Variants in VAC14 observed in about 807,000 individuals in gnomAD.
VAC14 encodes protein VAC14 homolog.
In VAC14, 47 loss-of-function variants were observed where a neutral mutation model predicts 85.3. The ratio of observed to expected loss-of-function variants is 0.55; its 90% confidence interval spans 0.44 to 0.70. The LOEUF (loss-of-function observed/expected upper bound fraction) is 0.70. Ranked by LOEUF, VAC14 falls within the 30% of genes least tolerant of loss-of-function variation. The pLI is 0.00. For missense variants in VAC14, 861 were observed against 1,004.3 expected, an observed-to-expected ratio of 0.86 and a Z score of 1.93; for synonymous variants, 447 against 430.5, an observed-to-expected ratio of 1.04 and a Z score of -0.47.
intron 12 of VAC14, among the ~76,000 whole-genome samples, chr16:70,753,479 C>G (rs999899747): frequency 6.6e-6 from 1 of 152,192 alleles, no homozygotes; most frequent in African/African-American, 2.4e-5. Context: ...CGCAGGAACG[C>G]TAAGTGGGGT....
rs1294198001 is a variant in VAC14 at position 70,770,645 on chromosome 16, C to G, written c.1160+1464G>C. ...TTCACCCCTCACATCAATCACTCCT[C>G]TTTCCAGTAACTTCCTGGCTACTTC... On this transcript the variant is annotated intron_variant, in intron 10 of 18. Coordinates refer to ENST00000261776, the MANE Select transcript of VAC14 (RefSeq NM_018052.5). 5.9e-5 allele frequency: 9 copies of G among 152,270 alleles called. No homozygotes were observed. The East Asian group carries it at 1.7e-3, about 29-fold the overall frequency. 9.4% of individuals were successfully genotyped at this position (152,270 alleles called of 1,614,324 possible).
chr16:70,716,453 C>T (rs762185872), intron 14 of VAC14: 2 of 152,340 alleles, frequency 1.3e-5, no homozygotes, highest in Non-Finnish European at 2.9e-5. Flanking sequence ...ACCTTCTCCC[C>T]GGTCTGTGGA....
At chr16:70,723,490 T>G (rs1455421391) in intron 14 of VAC14, among the ~76,000 whole-genome samples, 1 of 152,154 alleles carries the variant, frequency 6.6e-6, no homozygotes, top group East Asian at 1.9e-4. Context: ...GATACCACAT[T>G]ATGGTACACA....
chr16:70,753,011 GGTGT>G (rs372860764), intron 12 of VAC14, among the ~76,000 whole-genome samples: 1,841 of 142,970 alleles, frequency 0.013, 28 homozygotes, highest in African/African-American at 0.039. Context: ...AGGAGGAGGG[GGTGT>G]GTGTGTGTGT....
intron 13 of VAC14, among the ~76,000 whole-genome samples, chr16:70,743,332 G>A (rs1012412847): frequency 1.3e-5 from 2 of 152,252 alleles, no homozygotes; most frequent in Admixed American, 1.3e-4. Context: ...AGCAGGACGT[G>A]AGCGGGACCA....
chr16:70,691,395 C>T, intron 18 of VAC14: 1 of 985,472 alleles, frequency 1.0e-6, no homozygotes, highest in Non-Finnish European at 1.2e-6. Flanking sequence ...CAGGTTGACC[C>T]TAACACTATG....
At chr16:70,793,556 A>C (rs1419536210) in intron 1 of VAC14, among the ~76,000 whole-genome samples, 1 of 152,190 alleles carries the variant, frequency 6.6e-6, no homozygotes, top group African/African-American at 2.4e-5. Context: ...AGCTACCACC[A>C]GCTGGGTGCC....
chr16:70,714,044 A>C (rs1245523665), intron 14 of VAC14: 1 of 152,192 alleles, frequency 6.6e-6, no homozygotes, highest in Non-Finnish European at 1.5e-5. Flanking sequence ...TGCTGGAAAC[A>C]GGGCACTCGG....
At chr16:70,786,406 C>A in intron 1 of VAC14, 41 bp from the exon 2 acceptor site, 1 of 1,602,038 alleles carries the variant, frequency 6.2e-7, no homozygotes. Context: ...ATCAGGCTAC[C>A]TCTGCTGTGG....
intron 12 of VAC14, among the ~76,000 whole-genome samples, chr16:70,759,625 C>CA (rs940492164): frequency 2.6e-5 from 4 of 151,708 alleles, no homozygotes; most frequent in African/African-American, 7.3e-5. Context: ...GATTCCATGT[C>CA]AAAAAAACAA....
At chr16:70,745,495 G>GTA (rs976699059) in intron 12 of VAC14, among the ~76,000 whole-genome samples, 1 of 146,716 alleles carries the variant, frequency 6.8e-6, no homozygotes, top group African/African-American at 2.7e-5. Flanking sequence ...GTGTGTGTGT[G>GTA]TGTGTGTGTG....
intron 14 of VAC14, among the ~76,000 whole-genome samples, chr16:70,701,935 G>C (rs1309440129): frequency 6.6e-6 from 1 of 152,204 alleles, no homozygotes; most frequent in Non-Finnish European, 1.5e-5. Flanking sequence ...GCACGTGGCA[G>C]GCTCCTCCCA....
At chr16:70,692,127 A>C in intron 18 of VAC14, 3 of 971,756 alleles carry the variant, frequency 3.1e-6, no homozygotes, top group Non-Finnish European at 3.7e-6. Context: ...CCAAATATAG[A>C]TGCAGCCCTA....
At chr16:70,736,476 T>C (rs1048495688) in intron 13 of VAC14, among the ~76,000 whole-genome samples, 9 of 152,182 alleles carry the variant, frequency 5.9e-5, no homozygotes, top group African/African-American at 1.4e-4. Flanking sequence ...GGGGGCCACC[T>C]GTGACCCCCA....
At chr16:70,727,225 A>C (rs7194197) in intron 14 of VAC14, among the ~76,000 whole-genome samples, 2,692 of 152,302 alleles carry the variant, frequency 0.018, 75 homozygotes, top group African/African-American at 0.061. Context: ...AACAATTTAG[A>C]GTTTGCCTAA....
chr16:70,709,468 C>T (rs1567529778), intron 14 of VAC14, among the ~76,000 whole-genome samples: 1 of 152,240 alleles, frequency 6.6e-6, no homozygotes, highest in Non-Finnish European at 1.5e-5. Context: ...TTTTACCCCA[C>T]TCTCCCGCTG....
Position 70,789,600 on chromosome 16 carries a change from G to A in VAC14, c.105-3235C>T, listed in dbSNP as rs145689752. Among the ~76,000 whole-genome samples the A allele has an allele frequency of 1.6e-4, 24 of 152,320 alleles. 1 individual carries two copies. The highest frequency in any genetic ancestry group is 3.4e-3 in the Middle Eastern group (1 of 294). ...GCAGCAGCAGACCTTTAGTTTAATC[G>A]TGAGAGACTGAATTTGAGATTTCAC... On this transcript the variant is annotated intron_variant, in intron 1 of 18. Transcript: ENST00000261776.
In VAC14 at chr16:70,799,234, C is replaced by T. The variant is rs139248792; in HGVS notation, c.104+1563G>A. Among the ~76,000 whole-genome samples, 108 of 152,282 alleles carry T rather than the reference C, an allele frequency of 7.1e-4. 1 individual carries two copies. The highest frequency in any genetic ancestry group is 2.7e-3 in the Admixed American group (41 of 15,296). ...CAAAGCCAACAAAACCCCATGGACA[C>T]GGAACCATGCCTATATATCATTTCT... On this transcript the variant is annotated intron_variant, in intron 1 of 18. Transcript: ENST00000261776.
intron 1 of VAC14, among the ~76,000 whole-genome samples, chr16:70,787,485 C>T (rs2034119793): frequency 6.6e-6 from 1 of 151,958 alleles, no homozygotes; most frequent in Non-Finnish European, 1.5e-5. Flanking sequence ...ACTCCCAAGG[C>T]AGGCCCTGCC....
Sources: gnomAD v4.1 joint callset for allele counts (sites outside exome capture counted in the v4.1 genomes callset) on GRCh38, gnomAD v4.1.1 for gene constraint, MANE v1.5 for transcripts, NCBI Gene and HGNC (gene_info 2026-07-23, HGNC 2026-07-21) for gene names.